The following TMEM40 variants were observed in gnomAD, a reference collection of about 807,000 sequenced individuals.
TMEM40 encodes the protein transmembrane protein 40.
TMEM40 carries 34 observed loss-of-function variants against 40.8 expected under a neutral mutation model. The ratio of observed to expected loss-of-function variants is 0.83; its 90% confidence interval spans 0.63 to 1.11. The LOEUF (loss-of-function observed/expected upper bound fraction) is 1.11, where lower values mean the gene tolerates loss of function less well. Ranked by LOEUF, TMEM40 falls within the 50% of genes least tolerant of loss-of-function variation. TMEM40 has a pLI of 0.00. For missense variants in TMEM40, 296 were observed against 280.2 expected, an observed-to-expected ratio of 1.06 and a Z score of -0.40; for synonymous variants, 106 against 107.0, an observed-to-expected ratio of 0.99 and a Z score of 0.06.
chr3:12,740,921 A>G (rs1216737818), intron 5 of TMEM40, among the ~76,000 whole-genome samples: 1 of 151,904 alleles, frequency 6.6e-6, no homozygotes, highest in Non-Finnish European at 1.5e-5. Flanking sequence ...CCATTCTGTG[A>G]GCCAGATAAA....
intron 1 of TMEM40, among the ~76,000 whole-genome samples, chr3:12,752,957 G>A (rs1388144511): frequency 6.6e-6 from 1 of 152,136 alleles, no homozygotes; most frequent in African/African-American, 2.4e-5. Context: ...CCAGGAAAGA[G>A]GACACACTAA....
chr3:12,755,038 CCTTT>C (rs1346953728), intron 1 of TMEM40, among the ~76,000 whole-genome samples: 12 of 146,336 alleles, frequency 8.2e-5, no homozygotes, highest in Admixed American at 3.4e-4. Flanking sequence ...CTCCCTCCCT[CCTTT>C]CTTTCTTCCT....
chr3:12,734,363 C>G lies in TMEM40; in HGVS notation c.*411G>C, dbSNP rs959456134. The G allele has an allele frequency of 5.7e-6, 1 of 174,800 alleles. No individual in the cohort carries two copies. Among genetic ancestry groups the G allele is most frequent in the Non-Finnish European group, 1.2e-5 (1 of 82,826 alleles). 10.8% of individuals were successfully genotyped at this position (174,800 alleles called of 1,614,324 possible). A position where few individuals can be genotyped will look rare whatever the true frequency, so the allele number is the denominator to read the frequency against. On this transcript the variant is annotated 3_prime_UTR_variant, in exon 12 of 12. Coordinates refer to ENST00000314124, the MANE Select transcript of TMEM40 (RefSeq NM_018306.4). The stretch of plus-strand genomic sequence containing the variant: ...CAAAGCAGTGGACCATCCATCTCTC[C>G]CAGGATGGCTCGGTAGCACCTGAGA...
chr3:12,739,600 T>A (rs1369427400), intron 5 of TMEM40, among the ~76,000 whole-genome samples: 2 of 151,434 alleles, frequency 1.3e-5, no homozygotes, highest in African/African-American at 2.4e-5. Context: ...GATTTTTTTT[T>A]AATAGAGACA....
At chr3:12,761,498 C>T (rs751939554), upstream of TMEM40, among the ~76,000 whole-genome samples, 1 of 151,542 alleles carries the variant, frequency 6.6e-6, no homozygotes, top group Non-Finnish European at 1.5e-5. Flanking sequence ...CCCAGCTACT[C>T]GGGAGGCTGA....
chr3:12,755,213 T>TTCTTTCTTTCTTTCTCTC (rs1553634015), intron 1 of TMEM40, among the ~76,000 whole-genome samples: 2 of 94,264 alleles, frequency 2.1e-5, no homozygotes, highest in African/African-American at 8.7e-5. Context: ...CTTTCTTTCT[T>TTCTTTCTTTCTTTCTCTC]TCTCTCTCTC....
At chr3:12,741,492 GA>G (rs2061381047) in intron 5 of TMEM40, 1 of 152,170 alleles carries the variant, frequency 6.6e-6, no homozygotes, top group African/African-American at 2.4e-5. Flanking sequence ...GGCCAATACA[GA>G]GAGTGCAGAG....
At chr3:12,763,672 G>A (rs1273227992), upstream of TMEM40, among the ~76,000 whole-genome samples, 3 of 152,070 alleles carry the variant, frequency 2.0e-5, no homozygotes, top group African/African-American at 4.8e-5. Context: ...TAAAAATGGC[G>A]GGACACAGCC....
At chr3:12,762,545 T>A (rs2061576854), upstream of TMEM40, among the ~76,000 whole-genome samples, 1 of 152,104 alleles carries the variant, frequency 6.6e-6, no homozygotes, top group Non-Finnish European at 1.5e-5. Flanking sequence ...AGTGTTCAGT[T>A]CAGCATAAGC....
chr3:12,769,370 A>G, exon 1 of TMEM40: 2 of 233,202 alleles, frequency 8.6e-6, no homozygotes, highest in Non-Finnish European at 9.9e-6. Context: ...GAGGCTGAGG[A>G]GGCACCAAGA....
In TMEM40 at chr3:12,734,608, C is replaced by T. The variant is rs1452608250; in HGVS notation, c.*166G>A. ...ACTGCCCAAATGAGATGCCCCTGCC[C>T]GGGCTGGTGCCAACATTCAGACCAC... is the stretch of plus-strand genomic sequence containing the variant. On this transcript the variant is annotated 3_prime_UTR_variant, in exon 12 of 12. Transcript: ENST00000314124. 21 of 778,320 alleles carry T rather than the reference C, an allele frequency of 2.7e-5. No individual in the cohort carries two copies. Among genetic ancestry groups the T allele is most frequent in the East Asian group, 8.2e-5 (3 of 36,712 alleles). The allele number at this position is 778,320 out of a possible 1,614,324, so 48.2% of individuals were successfully genotyped here.
chr3:12,741,081 C>T (rs963040066), intron 5 of TMEM40, among the ~76,000 whole-genome samples: 1 of 152,212 alleles, frequency 6.6e-6, no homozygotes, highest in Admixed American at 6.5e-5. Context: ...TCTAGACCTA[C>T]CAGGCTCTGA....
intron 1 of TMEM40, among the ~76,000 whole-genome samples, chr3:12,750,142 CTTTTTT>C (rs386395973): frequency 7.0e-6 from 1 of 142,228 alleles, no homozygotes; most frequent in East Asian, 2.1e-4. Flanking sequence ...TTTTCTTTTT[CTTTTTT>C]TTTTTTTGTG....
At chr3:12,736,725 C>T in intron 9 of TMEM40, 39 bp downstream of exon 9, 2 of 1,613,892 alleles carry the variant, frequency 1.2e-6, no homozygotes, top group South Asian at 1.1e-5. Context: ...CCACCCCATG[C>T]CATCCCCCTT....
intron 2 of TMEM40, among the ~76,000 whole-genome samples, chr3:12,749,306 G>C (rs113555034): frequency 0.043 from 6,589 of 152,278 alleles, 150 homozygotes; most frequent in Middle Eastern, 0.068. Flanking sequence ...TTACAGGCGT[G>C]AGCCGCCGCG....
chr3:12,745,167 C>G (rs986315533), intron 3 of TMEM40, among the ~76,000 whole-genome samples: 28 of 151,368 alleles, frequency 1.8e-4, no homozygotes, highest in African/African-American at 6.8e-4. Context: ...ACAAGCGATT[C>G]TCTTGTCTCA....
intron 3 of TMEM40, among the ~76,000 whole-genome samples, chr3:12,748,130 A>T (rs571092291): frequency 3.3e-5 from 5 of 152,318 alleles, no homozygotes; most frequent in Admixed American, 2.6e-4. Context: ...ACATGCTAAG[A>T]CTTTACCTGT....
intron 10 of TMEM40, 149 bp downstream of exon 10, chr3:12,736,429 C>T (rs185493222): frequency 1.5e-4 from 130 of 890,236 alleles, no homozygotes; most frequent in African/African-American, 1.4e-3. Flanking sequence ...GGATTACAGG[C>T]GTAAGCCACC....
At chr3:12,760,299 C>T (rs923921696), upstream of TMEM40, among the ~76,000 whole-genome samples, 3 of 152,158 alleles carry the variant, frequency 2.0e-5, no homozygotes, top group African/African-American at 7.2e-5. Context: ...TCAGCAGCTG[C>T]CACACTCCCA....
Sources: gnomAD v4.1 joint callset for allele counts (sites outside exome capture counted in the v4.1 genomes callset) on GRCh38, gnomAD v4.1.1 for gene constraint, MANE v1.5 for transcripts, NCBI Gene and HGNC (gene_info 2026-07-23, HGNC 2026-07-21) for gene names.